Variants in TBC1D5 observed in about 807,000 individuals in gnomAD.
TBC1D5 encodes TBC1 domain family member 5, also known as TBC1 domain family, member 5.
In TBC1D5, 75 loss-of-function variants were observed where a neutral mutation model predicts 100.3. That is an observed-to-expected ratio of 0.75 (90% confidence interval 0.62 to 0.91). TBC1D5 has a LOEUF of 0.91. Ranked by LOEUF, TBC1D5 falls within the 40% of genes least tolerant of loss-of-function variation. The pLI is 0.00. For synonymous variants in TBC1D5, 323 were observed against 325.6 expected, an observed-to-expected ratio of 0.99 and a Z score of 0.09; for missense variants, 910 against 942.4, an observed-to-expected ratio of 0.97 and a Z score of 0.45.
At chr3:17,176,958 C>T (rs191910697) in intron 19 of TBC1D5, among the ~76,000 whole-genome samples, 32 of 152,264 alleles carry the variant, frequency 2.1e-4, no homozygotes, top group African/African-American at 4.6e-4. Flanking sequence ...AGTGCTACAA[C>T]GCCAAGGCAG....
At chr3:17,591,715 C>A (rs1320669231) in intron 2 of TBC1D5, among the ~76,000 whole-genome samples, 4 of 152,316 alleles carry the variant, frequency 2.6e-5, no homozygotes, top group Non-Finnish European at 1.5e-5. Flanking sequence ...TAGCAGCTGG[C>A]TGAACCCCCA....
chr3:17,367,385 T>A (rs1014799535), intron 13 of TBC1D5, among the ~76,000 whole-genome samples: 10 of 152,276 alleles, frequency 6.6e-5, no homozygotes, highest in South Asian at 2.1e-4. Context: ...CTCAGGACAT[T>A]CTTATGCTTA....
intron 18 of TBC1D5, among the ~76,000 whole-genome samples, chr3:17,211,506 T>C (rs918016444): frequency 6.6e-6 from 1 of 152,220 alleles, no homozygotes. Flanking sequence ...TTTGCTGACA[T>C]AGGGAAGGGA....
intron 3 of TBC1D5, among the ~76,000 whole-genome samples, chr3:17,451,641 G>A (rs2094929389): frequency 6.6e-6 from 1 of 152,202 alleles, no homozygotes; most frequent in Non-Finnish European, 1.5e-5. Flanking sequence ...AGGGGAAGGG[G>A]AGGGATAGCA....
At chr3:17,654,331 G>GA (rs999883024) in intron 1 of TBC1D5, among the ~76,000 whole-genome samples, 1 of 151,802 alleles carries the variant, frequency 6.6e-6, no homozygotes, top group Non-Finnish European at 1.5e-5. Flanking sequence ...TGAAATGATT[G>GA]AAAAAAAATT....
chr3:17,192,498 T>A (rs1355617021), intron 18 of TBC1D5, among the ~76,000 whole-genome samples: 1 of 152,212 alleles, frequency 6.6e-6, no homozygotes, highest in African/African-American at 2.4e-5. Flanking sequence ...TCTTTATGGG[T>A]TGCCTAGAAA....
chr3:17,226,817 G>A (rs2074952908), intron 17 of TBC1D5, among the ~76,000 whole-genome samples: 1 of 152,144 alleles, frequency 6.6e-6, no homozygotes, highest in Non-Finnish European at 1.5e-5. Context: ...TCTGACCCAT[G>A]ACATTTATTT....
At chr3:17,478,010 A>T (rs1459819373) in intron 3 of TBC1D5, among the ~76,000 whole-genome samples, 1 of 152,124 alleles carries the variant, frequency 6.6e-6, no homozygotes, top group African/African-American at 2.4e-5. Context: ...CTCTCTAGAA[A>T]TGTGATTGAA....
At chr3:17,447,211 A>T (rs1489738943) in intron 3 of TBC1D5, among the ~76,000 whole-genome samples, 1 of 152,228 alleles carries the variant, frequency 6.6e-6, no homozygotes, top group Non-Finnish European at 1.5e-5. Context: ...ATAATAAAAA[A>T]TGAAGATAAC....
At chr3:17,295,617 A>T (rs541385264) in intron 14 of TBC1D5, among the ~76,000 whole-genome samples, 7 of 152,388 alleles carry the variant, frequency 4.6e-5, no homozygotes, top group African/African-American at 1.4e-4. Context: ...TAACTTACAC[A>T]TAATTCAAAA....
chr3:17,637,619 C>CA (rs1265475505), intron 1 of TBC1D5, among the ~76,000 whole-genome samples: 7 of 150,004 alleles, frequency 4.7e-5, no homozygotes, highest in African/African-American at 7.4e-5. Flanking sequence ...AAAAAGTGAA[C>CA]AAAAAAAAAG....
intron 2 of TBC1D5, among the ~76,000 whole-genome samples, chr3:17,606,750 A>G (rs1448721536): frequency 6.6e-6 from 1 of 152,184 alleles, no homozygotes; most frequent in Non-Finnish European, 1.5e-5. Context: ...GGATCAAATT[A>G]TACACTTTGA....
intron 18 of TBC1D5, among the ~76,000 whole-genome samples, chr3:17,209,158 GTCTA>G (rs1257880148): frequency 2.0e-5 from 3 of 151,938 alleles, no homozygotes; most frequent in Admixed American, 6.6e-5. Flanking sequence ...TATCTATCTA[GTCTA>G]TCTAAGACAA....
chr3:17,597,924 C>G (rs923102313), intron 2 of TBC1D5, among the ~76,000 whole-genome samples: 38 of 152,128 alleles, frequency 2.5e-4, no homozygotes, highest in African/African-American at 8.7e-4. Flanking sequence ...TCTATATATC[C>G]TGGTTCCATA....
chr3:17,601,443 G>C (rs1281417131), intron 2 of TBC1D5, among the ~76,000 whole-genome samples: 1 of 152,188 alleles, frequency 6.6e-6, no homozygotes, highest in Non-Finnish European at 1.5e-5. Flanking sequence ...TCCGGGAGGC[G>C]GAGGTTGTGG....
At chr3:17,619,826 G>A (rs898838043) in intron 2 of TBC1D5, among the ~76,000 whole-genome samples, 2 of 152,148 alleles carry the variant, frequency 1.3e-5, no homozygotes, top group Non-Finnish European at 2.9e-5. Context: ...ACAGATAAAT[G>A]CCTAATATCC....
intron 17 of TBC1D5, among the ~76,000 whole-genome samples, chr3:17,237,035 A>G (rs2075915487): frequency 6.6e-6 from 1 of 152,348 alleles, no homozygotes; most frequent in Admixed American, 6.5e-5. Context: ...ATGTAAAATC[A>G]GAAACTAATT....
intron 2 of TBC1D5, among the ~76,000 whole-genome samples, chr3:17,619,589 A>G (rs1397953148): frequency 1.3e-5 from 2 of 152,244 alleles, no homozygotes; most frequent in African/African-American, 4.8e-5. Flanking sequence ...ACATAAAAAT[A>G]AACTGCAAAT....
intron 18 of TBC1D5, among the ~76,000 whole-genome samples, chr3:17,207,958 G>A (rs1251714988): frequency 6.6e-6 from 1 of 152,164 alleles, no homozygotes; most frequent in African/African-American, 2.4e-5. Context: ...TAGTTTAAGG[G>A]ACAAGAGACC....
Sources: gnomAD v4.1 joint callset for allele counts (sites outside exome capture counted in the v4.1 genomes callset) on GRCh38, gnomAD v4.1.1 for gene constraint, MANE v1.5 for transcripts, NCBI Gene and HGNC (gene_info 2026-07-23, HGNC 2026-07-21) for gene names.